Variants in MYO1C observed in about 807,000 individuals in gnomAD.
MYO1C encodes myosin IC.
MYO1C carries 104 observed loss-of-function variants against 150.8 expected under a neutral mutation model. The ratio of observed to expected loss-of-function variants is 0.69; its 90% CI spans 0.59 to 0.81. The LOEUF is 0.81. Ranked by LOEUF, MYO1C falls within the 30% of genes least tolerant of loss-of-function variation. The probability of loss-of-function intolerance (pLI) is 0.00; values close to 1 mark genes in which losing one functional copy is unlikely to be tolerated. For missense variants in MYO1C, 1,504 were observed against 1,435.0 expected, an observed-to-expected ratio of 1.05 and a Z score of -0.78; for synonymous variants, 663 against 579.9, an observed-to-expected ratio of 1.14 and a Z score of -2.06.
chr17:1,471,296 C>T lies in MYO1C; in HGVS notation c.2062G>A (p.Gly688Arg), dbSNP rs1328041908. ...LCPETWPTWA[G>R]RPQDGVAVLV... Reference sequence around the variant, plus strand: ...ACAGCCACCCCATCCTGCGGCCGTCCTGCCCACGTGGGCCACGTCTCTGGG... The same window carrying T: ...ACAGCCACCCCATCCTGCGGCCGTCTTGCCCACGTGGGCCACGTCTCTGGG... The change falls in exon 20 of 32, where the codon GGA (glycine) becomes AGA (arginine). Residue 688 changes from glycine to arginine, a missense_variant. Transcript: ENST00000648651. The T allele has an allele frequency of 6.2e-6, 10 of 1,614,040 alleles. No individual in the cohort carries two copies. The highest frequency in any genetic ancestry group is 3.3e-5 in the Admixed American group (2 of 60,024).
intron 1 of MYO1C, 198 bp from the exon 2 acceptor site, chr17:1,484,501 G>T: frequency 1.5e-6 from 1 of 651,366 alleles, no homozygotes; most frequent in Non-Finnish European, 2.7e-6. Context: ...AGCCGGGTGT[G>T]GAGGGCCCGG....
Position 1,477,086 on chromosome 17 carries a change from G to A in MYO1C, c.1574+419C>T, listed in dbSNP as rs1382993471. Among the ~76,000 whole-genome samples, 11 of 151,972 alleles carry A rather than the reference G, an allele frequency of 7.2e-5. No homozygotes were observed. In the East Asian group the frequency reaches 1.5e-3, roughly 21 times the overall value. ...ACTCCTAACCTAAGGTGATCCACCC[G>A]CCTCAGCCTCCCAAAGTGCTAGGAT... On this transcript the variant is annotated intron_variant, in intron 14 of 31. Transcript: ENST00000648651.
chr17:1,477,814 G>A, intron 13 of MYO1C, 77 bp downstream of exon 13: 1 of 1,398,314 alleles, frequency 7.2e-7, no homozygotes, highest in African/African-American at 1.4e-5. Context: ...CCGTGGACCA[G>A]CCTGGAGAGA....
At chr17:1,473,605 A>G (rs543335129) in intron 17 of MYO1C, among the ~76,000 whole-genome samples, 1 of 151,670 alleles carries the variant, frequency 6.6e-6, no homozygotes, top group South Asian at 2.1e-4. Flanking sequence ...GGCTCCCCTG[A>G]CCCTCTTTTT....
In MYO1C at chr17:1,479,645, C is replaced by T. The variant is rs766600137; in HGVS notation, c.967G>A (p.Glu323Lys). Residue 323 changes from glutamate to lysine, a missense_variant, in exon 8 of 32, where the codon GAG becomes AAG. By Grantham distance (56) the Glu-to-Lys change is moderately conservative. Transcript: ENST00000648651. This position sits in a 1 kb window ranked among gnomAD's most constrained non-coding sequence, Gnocchi z 4.2. ...GTGGTGACCTGGGCATTGCTCTCCTCGTTGGCAGCAAAGTGGATGTTGCCC... is the reference window on the plus strand; with the variant it reads ...GTGGTGACCTGGGCATTGCTCTCCTTGTTGGCAGCAAAGTGGATGTTGCCC... ...HLGNIHFAAN[E>K]ESNAQVTTEN... 5.0e-6 allele frequency: 8 copies of T among 1,613,616 alleles called. No homozygotes were observed. The highest frequency in any genetic ancestry group is 3.3e-5 in the Admixed American group (2 of 59,974).
At position 1,480,857 on chromosome 17, in the gene MYO1C, CTG is replaced by C; in HGVS notation, c.654_655del (p.Ser219LeufsTer64). 6.2e-7 allele frequency: 1 copy of C among 1,614,148 alleles called. No individual in the cohort carries two copies. Among genetic ancestry groups the C allele is most frequent in the Non-Finnish European group, 8.5e-7 (1 of 1,180,032 alleles). ...CACTCGTGACTTTTCCAGGAGGTAA[CTG>C]AGGATGTGGCCACCCACGGGGGCAC... On this transcript the variant is annotated frameshift_variant, in exon 6 of 32. Coordinates refer to ENST00000648651, the MANE Select transcript of MYO1C (RefSeq NM_001080779.2). LOFTEE classifies it high-confidence loss of function.
In MYO1C at chr17:1,492,290, C is replaced by A. The variant is rs1309554873; in HGVS notation, c.75+123G>T. 4.2e-6 allele frequency: 4 copies of A among 949,364 alleles called. No individual in the cohort carries two copies. In the East Asian group the frequency reaches 7.9e-5, roughly 19 times the overall value. 58.8% of individuals were successfully genotyped at this position (949,364 alleles called of 1,614,324 possible). On this transcript the variant is annotated intron_variant, in intron 1 of 31. Transcript: ENST00000648651. ...CCCGTCTTGTTCAGTCTGTTCTGGC[C>A]CCGCCAAGGATCGGAACCCCTCCCC...
At chr17:1,482,405 G>T in intron 5 of MYO1C, 73 bp downstream of exon 5, 1 of 1,339,106 alleles carries the variant, frequency 7.5e-7, no homozygotes, top group Non-Finnish European at 1.1e-6. Flanking sequence ...AATAGTCCCT[G>T]GTACCCAGTA....
intron 1 of MYO1C, chr17:1,491,659 C>A (rs2074736481): frequency 2.0e-6 from 2 of 980,550 alleles, no homozygotes. Flanking sequence ...GCTTGGGGAT[C>A]CGCGGCCCGG....
In MYO1C at chr17:1,470,610, G is replaced by A; in HGVS notation, c.2281+11C>T. On this transcript the variant is annotated intron_variant, in intron 22 of 31. Coordinates refer to ENST00000648651, the MANE Select transcript of MYO1C (RefSeq NM_001080779.2). Reference sequence around the variant, plus strand: ...ACCCCGCCCCTCCTGAACACCCATGGGCCCGCGAACCTGATCTCTTCACCC... The same window carrying A: ...ACCCCGCCCCTCCTGAACACCCATGAGCCCGCGAACCTGATCTCTTCACCC... The A allele has an allele frequency of 1.2e-6, 2 of 1,611,148 alleles. No homozygotes were observed. Among genetic ancestry groups the A allele is most frequent in the Non-Finnish European group, 1.7e-6 (2 of 1,179,146 alleles).
rs181668441 is a variant in MYO1C at position 1,468,000 on chromosome 17, C to T, written c.2884G>A (p.Ala962Thr). The T allele has an allele frequency of 5.0e-6, 8 of 1,612,740 alleles. No homozygotes were observed. The highest frequency in any genetic ancestry group is 2.2e-5 in the East Asian group (1 of 44,796). ...DAKVKQRIDY[A>T]NLTGISVSSL... ...GACCCTGGCTGACCGGTCAGGTTGG[C>T]GTAATCAATCCTCTGCTTGACTTTG... Residue 962 changes from alanine to threonine, a missense_variant, in exon 28 of 32, where the codon GCC (alanine) becomes ACC (threonine). Coordinates refer to ENST00000648651, the MANE Select transcript of MYO1C (RefSeq NM_001080779.2).
chr17:1,486,491 C>T (rs1480678870), intron 1 of MYO1C, among the ~76,000 whole-genome samples: 1 of 151,324 alleles, frequency 6.6e-6, no homozygotes, highest in African/African-American at 2.4e-5. Flanking sequence ...GCCTCTGGGC[C>T]CGGACCTCCT....
At chr17:1,488,179 T>G (rs1252668484) in intron 1 of MYO1C, among the ~76,000 whole-genome samples, 1 of 152,046 alleles carries the variant, frequency 6.6e-6, no homozygotes, top group African/African-American at 2.4e-5. Context: ...GTCACGCGGT[T>G]GGAATGAGGG....
At chr17:1,481,737 G>A (rs113930596) in intron 5 of MYO1C, among the ~76,000 whole-genome samples, 1,790 of 151,054 alleles carry the variant, frequency 0.012, 26 homozygotes, top group African/African-American at 0.041. Context: ...CCGACCTCAC[G>A]TGATCCACCT....
chr17:1,468,136 G>T lies in MYO1C; in HGVS notation c.2761-13C>A. Reference sequence around the variant, plus strand: ...CAGGCACCGCATACTGGGGACAGAGGCCAGGCTGAAGGGGCTGGGGAGAGG... The same window carrying T: ...CAGGCACCGCATACTGGGGACAGAGTCCAGGCTGAAGGGGCTGGGGAGAGG... On this transcript the variant is annotated splice_polypyrimidine_tract_variant and intron_variant, in intron 27 of 31. Coordinates refer to ENST00000648651, the MANE Select transcript of MYO1C (RefSeq NM_001080779.2). 1 of 1,613,220 alleles carries T rather than the reference G, an allele frequency of 6.2e-7. No individual in the cohort carries two copies. The highest frequency in any genetic ancestry group is 8.5e-7 in the Non-Finnish European group (1 of 1,179,996).
chr17:1,477,454 G>T (rs752105524), intron 14 of MYO1C, 51 bp downstream of exon 14: 2 of 1,537,230 alleles, frequency 1.3e-6, no homozygotes, highest in South Asian at 1.1e-5. Context: ...CACTCCGCAG[G>T]CTCTGCTGCA....
chr17:1,483,156 G>C (rs759503619), intron 3 of MYO1C, 97 bp from the exon 4 acceptor site: 16 of 1,224,696 alleles, frequency 1.3e-5, no homozygotes, highest in Non-Finnish European at 1.7e-5. Context: ...TCTTGTGGGA[G>C]TCGAATACAC....
At chr17:1,484,654 A>C (rs148628037) in intron 1 of MYO1C, 5 of 469,560 alleles carry the variant, frequency 1.1e-5, no homozygotes, top group South Asian at 4.2e-5. Flanking sequence ...TGGGTGGAGA[A>C]AGGGGGGGTC....
At chr17:1,481,962 G>T (rs751540566) in intron 5 of MYO1C, among the ~76,000 whole-genome samples, 1 of 152,034 alleles carries the variant, frequency 6.6e-6, no homozygotes, top group Non-Finnish European at 1.5e-5. Flanking sequence ...CAGCACCCTC[G>T]TATCTCAGGC....
Sources: gnomAD v4.1 joint callset for allele counts (sites outside exome capture counted in the v4.1 genomes callset) on GRCh38, gnomAD v4.1.1 for gene constraint, Gnocchi (gnomAD v3.1) non-coding constraint, MANE v1.5 for transcripts, NCBI Gene and HGNC (gene_info 2026-07-23, HGNC 2026-07-21) for gene names.